Variants in DAB1 observed in about 807,000 individuals in gnomAD.
DAB1 encodes DAB adaptor protein 1.
Under a neutral mutation model 64.6 loss-of-function variants are expected in DAB1, and 15 were observed. That is an observed-to-expected ratio of 0.23 (90% CI 0.16 to 0.36). The LOEUF is 0.36. Among genes scored for constraint, DAB1 ranks in the 10% least tolerant of loss-of-function variants. DAB1 has a pLI of 1.00. For missense variants in DAB1, 596 were observed against 706.7 expected (o/e 0.84, Z 1.78); for synonymous variants, 235 against 251.9 (o/e 0.93, Z 0.64).
At chr1:57,105,340 G>T (rs1244451846) in intron 4 of DAB1, among the ~76,000 whole-genome samples, 1 of 151,882 alleles carries the variant, frequency 6.6e-6, no homozygotes, top group Non-Finnish European at 1.5e-5. Flanking sequence ...AAACCTCAAA[G>T]AGCCCAGAAG....
intron 4 of DAB1, among the ~76,000 whole-genome samples, chr1:58,300,602 AAGAAAGAAAGAGAGAGAGAGAG>A (rs1210548251): frequency 0.011 from 429 of 39,140 alleles, 2 homozygotes; most frequent in Non-Finnish European, 0.017. Flanking sequence ...GAAAGAAAGA[AAGAAAGAAAGAGAGAGAGAGAG>A]AGAGAGAGAG....
chr1:58,076,065 C>T (rs1213153533), intron 5 of DAB1, among the ~76,000 whole-genome samples: 9 of 152,100 alleles, frequency 5.9e-5, no homozygotes, highest in Admixed American at 2.0e-4. Context: ...CAATCAAATA[C>T]GGCCAAGGGA....
chr1:58,448,262 G>A (rs1645093517), intron 3 of DAB1, among the ~76,000 whole-genome samples: 1 of 152,142 alleles, frequency 6.6e-6, no homozygotes, highest in African/African-American at 2.4e-5. Flanking sequence ...TTAACCCACT[G>A]GGGGCTTCAA....
chr1:58,173,221 T>A (rs1466871887), intron 4 of DAB1, among the ~76,000 whole-genome samples: 1 of 152,188 alleles, frequency 6.6e-6, no homozygotes, highest in African/African-American at 2.4e-5. Context: ...TTTTCTCCCC[T>A]TGGGGTGGTT....
chr1:57,831,237 G>A (rs1478939581), intron 1 of DAB1, among the ~76,000 whole-genome samples: 1 of 152,086 alleles, frequency 6.6e-6, no homozygotes, highest in Non-Finnish European at 1.5e-5. Flanking sequence ...TTGCAGCTGG[G>A]TGTAGAGTAC....
At chr1:57,560,253 C>A (rs1004901265) in intron 7 of DAB1, among the ~76,000 whole-genome samples, 2 of 152,222 alleles carry the variant, frequency 1.3e-5, no homozygotes, top group African/African-American at 4.8e-5. Context: ...TCAGAGAGAG[C>A]TTGATCACTT....
chr1:58,086,971 G>T (rs1650357907), intron 5 of DAB1, among the ~76,000 whole-genome samples: 1 of 152,004 alleles, frequency 6.6e-6, no homozygotes, highest in South Asian at 2.1e-4. Context: ...TGGAATAACG[G>T]CAAGCTAGAG....
intron 7 of DAB1, among the ~76,000 whole-genome samples, chr1:57,454,461 C>A (rs1407843391): frequency 6.6e-6 from 1 of 151,824 alleles, no homozygotes; most frequent in African/African-American, 2.4e-5. Context: ...TGATGAGAAC[C>A]CCTGAACACA....
chr1:57,373,248 G>C (rs1213989088), intron 1 of DAB1, among the ~76,000 whole-genome samples: 2 of 152,158 alleles, frequency 1.3e-5, no homozygotes, highest in Admixed American at 6.5e-5. Context: ...GGAATCCTTA[G>C]GTGCTGGTTT....
intron 6 of DAB1, among the ~76,000 whole-genome samples, chr1:57,741,330 A>G (rs1647980973): frequency 6.6e-6 from 1 of 152,204 alleles, no homozygotes; most frequent in African/African-American, 2.4e-5. Context: ...CCATGAACTT[A>G]ATGGATTTCA....
At chr1:57,695,400 GAAAGAAAGAAAGAAAGA>G (rs1646829563) in intron 6 of DAB1, among the ~76,000 whole-genome samples, 1 of 84,642 alleles carries the variant, frequency 1.2e-5, no homozygotes, top group African/African-American at 4.6e-5. Flanking sequence ...AAGAAAGAAA[GAAAGAAAGAAAGAAAGA>G]AAGAAAGAAA....
At chr1:57,111,641 C>T (rs1024919669) in intron 4 of DAB1, among the ~76,000 whole-genome samples, 1 of 152,140 alleles carries the variant, frequency 6.6e-6, no homozygotes, top group Non-Finnish European at 1.5e-5. Flanking sequence ...GCTATCCCTC[C>T]CAGTCACTCC....
At chr1:57,100,959 C>T (rs1212884083) in intron 4 of DAB1, among the ~76,000 whole-genome samples, 1 of 152,098 alleles carries the variant, frequency 6.6e-6, no homozygotes, top group East Asian at 1.9e-4. Flanking sequence ...CACTTTAATC[C>T]TCCCATCATC....
chr1:57,060,224 C>A (rs1028019821), intron 9 of DAB1, among the ~76,000 whole-genome samples: 2 of 151,446 alleles, frequency 1.3e-5, no homozygotes, highest in African/African-American at 4.9e-5. Context: ...CATCTCGGCT[C>A]ACTGCAACCT....
intron 1 of DAB1, chr1:57,880,847 A>ATTT (rs1644132969): frequency 6.6e-6 from 1 of 152,214 alleles, no homozygotes; most frequent in African/African-American, 2.4e-5. Flanking sequence ...CAAAACACCC[A>ATTT]TTAAAGTGCT....
intron 11 of DAB1, 25 bp from the exon 12 acceptor site, chr1:57,015,456 A>C: frequency 6.3e-7 from 1 of 1,579,516 alleles, no homozygotes; most frequent in Non-Finnish European, 8.6e-7. Context: ...AAGGAGAGTC[A>C]GGTGTTTCCC....
chr1:57,502,318 C>A (rs991535945), intron 7 of DAB1, among the ~76,000 whole-genome samples: 552 of 93,988 alleles, frequency 5.9e-3, no homozygotes, highest in East Asian at 9.7e-3. Context: ...GAGTCCGTCT[C>A]AAAAAAAAAA....
chr1:57,730,129 T>C (rs1647347124), intron 6 of DAB1, among the ~76,000 whole-genome samples: 1 of 152,172 alleles, frequency 6.6e-6, no homozygotes, highest in South Asian at 2.1e-4. Flanking sequence ...ACCTACTGGG[T>C]GTAAGTCAGT....
chr1:58,543,287 C>T (rs540729681), intron 1 of DAB1, among the ~76,000 whole-genome samples: 1 of 152,242 alleles, frequency 6.6e-6, no homozygotes, highest in African/African-American at 2.4e-5. Context: ...TAATATTATA[C>T]ATGTTGTTTA....
Sources: allele counts gnomAD v4.1 joint callset (sites outside exome capture counted in the v4.1 genomes callset), GRCh38; gene constraint gnomAD v4.1.1; transcripts MANE v1.5; gene names NCBI Gene and HGNC (gene_info 2026-07-23, HGNC 2026-07-21).